Variants in CDH8 observed in about 807,000 individuals in gnomAD.
CDH8 encodes cadherin 8.
CDH8 carries 17 observed loss-of-function variants against 68.1 expected under a neutral mutation model. That is an observed-to-expected ratio of 0.25 (90% CI 0.17 to 0.37). CDH8 has a LOEUF of 0.37. CDH8 is among the 10% of genes least tolerant of loss of function. The pLI is 1.00. For synonymous variants in CDH8, 372 were observed against 365.1 expected, an observed-to-expected ratio of 1.02 and a Z score of -0.21; for missense variants, 763 against 999.3, an observed-to-expected ratio of 0.76 and a Z score of 3.19.
At chr16:61,737,648 T>C (rs765882990) in intron 8 of CDH8, among the ~76,000 whole-genome samples, 34 of 152,180 alleles carry the variant, frequency 2.2e-4, no homozygotes, top group Non-Finnish European at 3.2e-4. Flanking sequence ...GATTATTAGA[T>C]AGCTGAGGAA....
At position 61,706,632 on chromosome 16, in the gene CDH8, A is replaced by G. The variant is rs987084339; in HGVS notation, c.1654+7209T>C. Among the ~76,000 whole-genome samples, 17 of 151,268 alleles carry G rather than the reference A, an allele frequency of 1.1e-4. 1 individual carries two copies. Among genetic ancestry groups the G allele is most frequent in the African/African-American group, 4.1e-4 (17 of 41,378 alleles). ...CAAGACTCTGTCTCAAAAAAAAAAA[A>G]AAAAAAAAAAAAGTGTAACTGGCTT... On this transcript the variant is annotated intron_variant, in intron 10 of 11. Coordinates refer to ENST00000577390, the MANE Select transcript of CDH8 (RefSeq NM_001796.5).
chr16:61,983,423 A>G (rs1023963662), intron 2 of CDH8, among the ~76,000 whole-genome samples: 3 of 152,170 alleles, frequency 2.0e-5, no homozygotes, highest in African/African-American at 7.2e-5. Flanking sequence ...AGTTCCCATG[A>G]CTAAGAACGA....
rs1963756323 is a variant in CDH8 at position 61,669,873 on chromosome 16, C to T, written c.1655-14152G>A. On this transcript the variant is annotated intron_variant, in intron 10 of 11. Transcript: ENST00000577390. ...ATCTTTCTGTTCTATAACATTTTCT[C>T]GTTAGCGTTTTTCTCTAACCTCTTT... Among the ~76,000 whole-genome samples the T allele has an allele frequency of 2.0e-5, 3 of 152,152 alleles. No homozygotes were observed. The South Asian group carries it at 6.2e-4, about 32-fold the overall frequency.
chr16:61,813,921 A>G (rs1267413996), intron 7 of CDH8, among the ~76,000 whole-genome samples: 4 of 152,188 alleles, frequency 2.6e-5, no homozygotes, highest in Admixed American at 2.6e-4. Context: ...ACTAAATGAG[A>G]TCAATTAGAC....
At chr16:62,031,409 T>C (rs1309196009) in intron 1 of CDH8, among the ~76,000 whole-genome samples, 1 of 152,160 alleles carries the variant, frequency 6.6e-6, no homozygotes, top group Non-Finnish European at 1.5e-5. Flanking sequence ...TTTCTTTTAA[T>C]GAAAATATGC....
chr16:62,007,220 T>G (rs2150601204), intron 2 of CDH8, among the ~76,000 whole-genome samples: 1 of 152,212 alleles, frequency 6.6e-6, no homozygotes, highest in South Asian at 2.1e-4. Flanking sequence ...TTTCATAATT[T>G]TAGAGAGTTT....
chr16:61,712,420 T>C (rs1473374877), intron 10 of CDH8, among the ~76,000 whole-genome samples: 5 of 151,658 alleles, frequency 3.3e-5, no homozygotes, highest in African/African-American at 9.7e-5. Context: ...AAATAACTTA[T>C]TCATGGAGAA....
chr16:61,856,850 A>G (rs1445999010), intron 4 of CDH8, among the ~76,000 whole-genome samples: 1 of 152,132 alleles, frequency 6.6e-6, no homozygotes, highest in Non-Finnish European at 1.5e-5. Flanking sequence ...TCTCTGATAT[A>G]TAAGCACATT....
In CDH8 at chr16:61,703,268, A is replaced by C. The variant is rs1210496164; in HGVS notation, c.1654+10573T>G. Among the ~76,000 whole-genome samples, 3 of 152,220 alleles carry C rather than the reference A, an allele frequency of 2.0e-5. No individual in the cohort carries two copies. In the East Asian group the frequency reaches 5.8e-4, roughly 29 times the overall value. ...AGACAGAAAACTTATAATACTGTTAATATAGGGAGATAGTTTTTTCTTCTC... is the reference window on the plus strand; with the variant it reads ...AGACAGAAAACTTATAATACTGTTACTATAGGGAGATAGTTTTTTCTTCTC... On this transcript the variant is annotated intron_variant, in intron 10 of 11. Coordinates refer to ENST00000577390, the MANE Select transcript of CDH8 (RefSeq NM_001796.5).
intron 10 of CDH8, among the ~76,000 whole-genome samples, chr16:61,677,658 A>G (rs957406236): frequency 1.3e-5 from 2 of 152,040 alleles, no homozygotes; most frequent in Admixed American, 6.6e-5. Context: ...AAGTACATCT[A>G]TCTATTTTCC....
At chr16:61,707,400 C>G (rs1377924457) in intron 10 of CDH8, among the ~76,000 whole-genome samples, 3 of 152,150 alleles carry the variant, frequency 2.0e-5, no homozygotes, top group Non-Finnish European at 4.4e-5. Context: ...TCCCATAGAT[C>G]GTAATCGGAA....
chr16:61,991,382 G>A (rs150110571), intron 2 of CDH8, among the ~76,000 whole-genome samples: 2 of 152,316 alleles, frequency 1.3e-5, no homozygotes, highest in Non-Finnish European at 2.9e-5. Context: ...CATCAGGAAT[G>A]TAAGTGATCG....
intron 2 of CDH8, among the ~76,000 whole-genome samples, chr16:62,018,361 C>T (rs1901992672): frequency 6.6e-6 from 1 of 152,152 alleles, no homozygotes. Flanking sequence ...CATGGTGACT[C>T]GCAGGAGGGC....
chr16:61,716,701 T>C (rs999181495), intron 9 of CDH8, among the ~76,000 whole-genome samples: 1 of 151,718 alleles, frequency 6.6e-6, no homozygotes, highest in Non-Finnish European at 1.5e-5. Flanking sequence ...GGTGAATTAT[T>C]ACATTTTCTT....
intron 2 of CDH8, among the ~76,000 whole-genome samples, chr16:61,944,840 C>T (rs904948221): frequency 4.6e-5 from 7 of 151,912 alleles, no homozygotes; most frequent in African/African-American, 1.7e-4. Context: ...TTTTTTTAAA[C>T]AAGGCTTCTC....
intron 2 of CDH8, among the ~76,000 whole-genome samples, chr16:61,936,260 A>G (rs940481993): frequency 6.6e-6 from 1 of 152,176 alleles, no homozygotes; most frequent in Non-Finnish European, 1.5e-5. Flanking sequence ...AGAAAAAAAT[A>G]GCATCTGAGA....
intron 3 of CDH8, among the ~76,000 whole-genome samples, chr16:61,859,834 T>G (rs543977873): frequency 1.3e-3 from 201 of 152,196 alleles, no homozygotes; most frequent in African/African-American, 4.7e-3. Context: ...TGAGGGCACC[T>G]CCCTCACAAG....
intron 2 of CDH8, among the ~76,000 whole-genome samples, chr16:61,908,539 T>A (rs1024417488): frequency 6.6e-6 from 1 of 152,222 alleles, no homozygotes; most frequent in Non-Finnish European, 1.5e-5. Flanking sequence ...TCTTTCATAC[T>A]ACAGAATATC....
intron 10 of CDH8, among the ~76,000 whole-genome samples, chr16:61,681,857 C>A (rs985996295): frequency 6.6e-6 from 1 of 151,836 alleles, no homozygotes; most frequent in African/African-American, 2.4e-5. Context: ...CAATACTGTG[C>A]ACGAGTTGAA....
Sources: allele counts gnomAD v4.1 joint callset (sites outside exome capture counted in the v4.1 genomes callset), GRCh38; gene constraint gnomAD v4.1.1; transcripts MANE v1.5; gene names NCBI Gene and HGNC (gene_info 2026-07-23, HGNC 2026-07-21).